COBLL1: variants seen among roughly 807,000 people sequenced by gnomAD.
The protein encoded by COBLL1 is cordon-bleu WH2 repeat protein like 1, also known as cordon-bleu protein-like 1.
Under a neutral mutation model 94.8 loss-of-function variants are expected in COBLL1, and 50 were observed. The observed-to-expected ratio is 0.53, with a 90% confidence interval of 0.42 to 0.67. The LOEUF (loss-of-function observed/expected upper bound fraction) is 0.67, where lower values mean the gene tolerates loss of function less well. Among genes scored for constraint, COBLL1 ranks in the 30% least tolerant of loss-of-function variants. The pLI is 0.00. For synonymous variants in COBLL1, 448 were observed against 473.8 expected (o/e 0.95, Z 0.71); for missense variants, 1,362 against 1,348.7 (o/e 1.01, Z -0.15).
chr2:164,720,054 GAGATGCCT>G (rs1412063964), intron 7 of COBLL1, among the ~76,000 whole-genome samples: 1 of 152,134 alleles, frequency 6.6e-6, no homozygotes. Context: ...GTTAGTTGCA[GAGATGCCT>G]AGGAAGGTAT....
At chr2:164,658,655 CT>C (rs1349734694) in intron 2 of COBLL1, among the ~76,000 whole-genome samples, 1 of 152,192 alleles carries the variant, frequency 6.6e-6, no homozygotes. Flanking sequence ...ATTTGGCCAT[CT>C]GATGGGTGCT....
chr2:164,733,359 T>C (rs967170883), intron 3 of COBLL1, among the ~76,000 whole-genome samples: 1 of 151,866 alleles, frequency 6.6e-6, no homozygotes, highest in Non-Finnish European at 1.5e-5. Context: ...ATATCAGATA[T>C]CATGAGAAAA....
rs1370158050 is a variant in COBLL1 at position 164,687,748 on chromosome 2, A to G, written c.3301-1716T>C. ...ATTGCACACTGGGCCCCCATAAGGA[A>G]AGGAACTCAGTACACTTAATTGACT... is the stretch of plus-strand genomic sequence containing the variant. On this transcript the variant is annotated intron_variant, in intron 13 of 13. Coordinates refer to ENST00000652658, the MANE Select transcript of COBLL1 (RefSeq NM_001365672.2). 2.5e-5 allele frequency: 15 copies of G among 601,300 alleles called. No individual in the cohort carries two copies. In the East Asian group the frequency reaches 3.7e-4, roughly 15 times the overall value. 37.2% of individuals were successfully genotyped at this position (601,300 alleles called of 1,614,324 possible).
At chr2:164,789,312 A>G (rs1281417174) in intron 2 of COBLL1, among the ~76,000 whole-genome samples, 5 of 152,134 alleles carry the variant, frequency 3.3e-5, no homozygotes, top group African/African-American at 1.2e-4. Context: ...GGAAGAAATG[A>G]CCTGGCCAGT....
chr2:164,707,277 A>G (rs1684651427), intron 7 of COBLL1, among the ~76,000 whole-genome samples: 1 of 151,954 alleles, frequency 6.6e-6, no homozygotes, highest in Non-Finnish European at 1.5e-5. Flanking sequence ...AGTAGCTGGG[A>G]TTTCAGGCAT....
intron 2 of COBLL1, chr2:164,779,526 T>C: frequency 3.1e-6 from 1 of 325,452 alleles, no homozygotes; most frequent in Non-Finnish European, 6.5e-6. Context: ...GATGCAGCAT[T>C]CTTCCTCCTT....
intron 2 of COBLL1, chr2:164,840,685 T>C (rs1381000281): frequency 6.5e-6 from 1 of 154,596 alleles, no homozygotes; most frequent in Non-Finnish European, 1.4e-5. Flanking sequence ...GGCTGACAGC[T>C]GGCACACCCT....
intron 1 of COBLL1, among the ~76,000 whole-genome samples, chr2:164,670,936 G>A (rs1691232881): frequency 6.6e-6 from 1 of 152,202 alleles, no homozygotes; most frequent in African/African-American, 2.4e-5. Flanking sequence ...CAAGTCCTGG[G>A]TGCTTTCACC....
intron 7 of COBLL1, among the ~76,000 whole-genome samples, chr2:164,707,329 T>A (rs893172370): frequency 2.6e-5 from 4 of 151,992 alleles, no homozygotes; most frequent in African/African-American, 7.3e-5. Flanking sequence ...TTAGTAGAGA[T>A]GGGGTTTCAC....
chr2:164,712,473 T>C (rs1041219284), intron 7 of COBLL1, among the ~76,000 whole-genome samples: 1 of 152,114 alleles, frequency 6.6e-6, no homozygotes, highest in African/African-American at 2.4e-5. Flanking sequence ...TTCTCCAACC[T>C]GGACATTCAC....
At chr2:164,708,652 T>C (rs79023396) in intron 7 of COBLL1, among the ~76,000 whole-genome samples, 1,594 of 152,238 alleles carry the variant, frequency 0.01, 24 homozygotes, top group African/African-American at 0.037. Context: ...TCAAAAGCAG[T>C]AGAAGATGTG....
At chr2:164,833,512 G>A (rs1271726417) in intron 2 of COBLL1, among the ~76,000 whole-genome samples, 2 of 149,542 alleles carry the variant, frequency 1.3e-5, no homozygotes, top group Non-Finnish European at 3.0e-5. Context: ...CTGCAGTGGC[G>A]TTATCCCGGC....
chr2:164,793,511 G>T (rs1683294352), intron 2 of COBLL1, among the ~76,000 whole-genome samples: 1 of 152,128 alleles, frequency 6.6e-6, no homozygotes, highest in Non-Finnish European at 1.5e-5. Flanking sequence ...ACAAATGAGT[G>T]ATTATGATAA....
At chr2:164,799,662 C>T (rs1197988149) in intron 2 of COBLL1, among the ~76,000 whole-genome samples, 3 of 152,072 alleles carry the variant, frequency 2.0e-5, no homozygotes, top group African/African-American at 2.4e-5. Flanking sequence ...AAAAGAATAG[C>T]AAGCTGGAGA....
At chr2:164,759,621 A>C (rs375254070) in intron 2 of COBLL1, among the ~76,000 whole-genome samples, 1 of 152,164 alleles carries the variant, frequency 6.6e-6, no homozygotes, top group East Asian at 1.9e-4. Flanking sequence ...TAAGGGGATG[A>C]AAACGCAAGC....
intron 2 of COBLL1, among the ~76,000 whole-genome samples, chr2:164,745,768 C>T (rs1038112403): frequency 6.6e-5 from 10 of 152,210 alleles, no homozygotes; most frequent in African/African-American, 2.2e-4. Flanking sequence ...CAAGAAATAA[C>T]TGATATTTTT....
chr2:164,774,923 C>G (rs355870), intron 2 of COBLL1, among the ~76,000 whole-genome samples: 3 of 150,620 alleles, frequency 2.0e-5, no homozygotes, highest in African/African-American at 7.3e-5. Flanking sequence ...TGCTTGACTG[C>G]AGTAATCATC....
chr2:164,841,535 G>T lies in COBLL1; in HGVS notation c.-51+175C>A, dbSNP rs1216902450. 1.5e-5 allele frequency: 13 copies of T among 888,444 alleles called. No individual in the cohort carries two copies. Among genetic ancestry groups the T allele is most frequent in the Admixed American group, 5.1e-5 (1 of 19,732 alleles). The allele number at this position is 888,444 out of a possible 1,614,324, so 55.0% of individuals were successfully genotyped here. A position where few individuals can be genotyped will look rare whatever the true frequency, so the allele number is the denominator to read the frequency against. On this transcript the variant is annotated intron_variant, in intron 1 of 13. Transcript: ENST00000652658. This position sits in a 1 kb window ranked among gnomAD's most constrained non-coding sequence, Gnocchi z 5.5. ...GGCGCCTCTCGGAGGGAGAGGAGCC[G>T]CCGGGGCTGGAAAAGGAGGAGGAGC...
intron 2 of COBLL1, among the ~76,000 whole-genome samples, chr2:164,829,264 C>T (rs1434209299): frequency 6.6e-6 from 1 of 152,062 alleles, no homozygotes; most frequent in Admixed American, 6.6e-5. Context: ...AAACAGTACC[C>T]GAGTTACAAA....
Sources: allele counts gnomAD v4.1 joint callset (sites outside exome capture counted in the v4.1 genomes callset), GRCh38; gene constraint gnomAD v4.1.1; non-coding constraint Gnocchi (gnomAD v3.1); transcripts MANE v1.5; gene names NCBI Gene and HGNC (gene_info 2026-07-23, HGNC 2026-07-21).